The following LOC128462377 variants were observed in gnomAD, a reference collection of about 807,000 sequenced individuals.
the LOC128462377 span, among the ~76,000 whole-genome samples, chr16:89,390,690 C>T: frequency 2.0e-4 from 31 of 152,064 alleles, no homozygotes; most frequent in Non-Finnish European, 3.5e-4. Context: ...CTCGGGGAAA[C>T]AGTGAGCACA....
chr16:89,378,733 C>A, the LOC128462377 span, among the ~76,000 whole-genome samples: 1 of 152,168 alleles, frequency 6.6e-6, no homozygotes, highest in Non-Finnish European at 1.5e-5. Flanking sequence ...GTGTGTGCCA[C>A]CATGCCTGGC....
the LOC128462377 span, among the ~76,000 whole-genome samples, chr16:89,325,976 C>A: frequency 1.3e-5 from 2 of 152,206 alleles, no homozygotes. Context: ...GCCCAATACA[C>A]ACTGCAGGGC....
At chr16:89,366,918 G>A in the LOC128462377 span, among the ~76,000 whole-genome samples, 1 of 152,322 alleles carries the variant, frequency 6.6e-6, no homozygotes, top group South Asian at 2.1e-4. Flanking sequence ...TTAAGAATGT[G>A]AAGACCATCC....
the LOC128462377 span, among the ~76,000 whole-genome samples, chr16:89,349,134 T>A: frequency 0.022 from 364 of 16,530 alleles, no homozygotes; most frequent in Middle Eastern, 0.14. Context: ...TCTCAAAAAG[T>A]AAAAAAAAAA....
chr16:89,410,091 G>A, the LOC128462377 span, among the ~76,000 whole-genome samples: 2 of 152,058 alleles, frequency 1.3e-5, no homozygotes, highest in Non-Finnish European at 2.9e-5. Context: ...CGCCCGCCTC[G>A]GCCTCCCAAA....
the LOC128462377 span, among the ~76,000 whole-genome samples, chr16:89,345,375 C>G: frequency 6.6e-6 from 1 of 152,042 alleles, no homozygotes; most frequent in Admixed American, 6.6e-5. Context: ...TGGGGAGGCT[C>G]TGCCCTCGTG....
the LOC128462377 span, among the ~76,000 whole-genome samples, chr16:89,364,723 C>T: frequency 6.6e-6 from 1 of 152,190 alleles, no homozygotes; most frequent in Non-Finnish European, 1.5e-5. Context: ...TGCCATGGGC[C>T]GCGGGCTGGA....
the LOC128462377 span, among the ~76,000 whole-genome samples, chr16:89,404,099 C>G: frequency 6.6e-6 from 1 of 152,190 alleles, no homozygotes; most frequent in Non-Finnish European, 1.5e-5. Flanking sequence ...AAGCTGCTAG[C>G]CCGGCACATG....
chr16:89,381,060 G>A, the LOC128462377 span, among the ~76,000 whole-genome samples: 12 of 152,262 alleles, frequency 7.9e-5, no homozygotes, highest in East Asian at 2.3e-3. Context: ...AGGTGGCTCA[G>A]GCCTGTCATC....
chr16:89,384,874 G>GTTTTTTTTTTTTTTTTTTTTTTTT, the LOC128462377 span, among the ~76,000 whole-genome samples: 1 of 72,752 alleles, frequency 1.4e-5, no homozygotes, highest in African/African-American at 5.6e-5. Flanking sequence ...ATGAGAAATA[G>GTTTTTTTTTTTTTTTTTTTTTTTT]TTTTCTTTTT....
chr16:89,400,754 T>C, the LOC128462377 span, among the ~76,000 whole-genome samples: 12,338 of 27,392 alleles, frequency 0.45, 2,879 homozygotes, highest in Middle Eastern at 0.6. Flanking sequence ...CGCTGGGGGA[T>C]GGTCATCTGC....
the LOC128462377 span, among the ~76,000 whole-genome samples, chr16:89,413,814 C>T: frequency 5.3e-5 from 8 of 152,126 alleles, no homozygotes; most frequent in African/African-American, 1.7e-4. Flanking sequence ...ACTCCCACAA[C>T]GCCCTAGGAT....
At chr16:89,396,173 C>T in the LOC128462377 span, 1 of 152,206 alleles carries the variant, frequency 6.6e-6, no homozygotes, top group South Asian at 2.1e-4. Context: ...ACTCCAAGAG[C>T]AGACAGCTTC....
At chr16:89,349,397 G>A in the LOC128462377 span, among the ~76,000 whole-genome samples, 4 of 150,250 alleles carry the variant, frequency 2.7e-5, no homozygotes, top group South Asian at 4.2e-4. Flanking sequence ...GGAGAATGGC[G>A]TGAACCCGGG....
chr16:89,415,461 T>A, the LOC128462377 span, among the ~76,000 whole-genome samples: 1 of 149,682 alleles, frequency 6.7e-6, no homozygotes, highest in Admixed American at 6.6e-5. Context: ...AGACGGGGTT[T>A]CACCGTGTTA....
chr16:89,327,275 T>A, the LOC128462377 span, among the ~76,000 whole-genome samples: 14 of 151,984 alleles, frequency 9.2e-5, no homozygotes, highest in Non-Finnish European at 1.3e-4. Flanking sequence ...AAACTCACGA[T>A]AAAAATTCCT....
At chr16:89,320,784 T>C in the LOC128462377 span, among the ~76,000 whole-genome samples, 2 of 152,250 alleles carry the variant, frequency 1.3e-5, no homozygotes, top group South Asian at 4.1e-4. Flanking sequence ...CGGCCAGCTC[T>C]GGGATCCAGG....
the LOC128462377 span, among the ~76,000 whole-genome samples, chr16:89,341,087 A>G: frequency 6.6e-6 from 1 of 152,246 alleles, no homozygotes; most frequent in Non-Finnish European, 1.5e-5. Flanking sequence ...AATAAGTCAT[A>G]ACCCAAGTCA....
the LOC128462377 span, among the ~76,000 whole-genome samples, chr16:89,396,327 TCCAGATGTGGACA>T: frequency 1.3e-5 from 2 of 151,920 alleles, no homozygotes; most frequent in South Asian, 4.2e-4. Flanking sequence ...CTGGGTCACC[TCCAGATGTGGACA>T]CACAGGCACA....
Sources: gnomAD v4.1 joint callset for allele counts (sites outside exome capture counted in the v4.1 genomes callset) on GRCh38, gnomAD v4.1.1 for gene constraint, MANE v1.5 for transcripts.